Variants in LARS1 observed in about 807,000 individuals in gnomAD.
LARS1 encodes the protein leucine--tRNA ligase, cytoplasmic.
In LARS1, 100 loss-of-function variants were observed where a neutral mutation model predicts 162.8. The ratio of observed to expected loss-of-function variants is 0.61; its 90% CI spans 0.52 to 0.73. The LOEUF (loss-of-function observed/expected upper bound fraction) is 0.73, where lower values mean the gene tolerates loss of function less well. Among genes scored for constraint, LARS1 ranks in the 30% least tolerant of loss-of-function variants. The pLI, the probability that LARS1 is intolerant of heterozygous loss-of-function variation, is 0.00. For synonymous variants in LARS1, 457 were observed against 462.8 expected (o/e 0.99, Z 0.16); for missense variants, 1,258 against 1,408.9 (o/e 0.89, Z 1.71).
At chr5:146,178,214 T>C (rs1754684456) in intron 1 of LARS1, among the ~76,000 whole-genome samples, 1 of 152,192 alleles carries the variant, frequency 6.6e-6, no homozygotes, top group Non-Finnish European at 1.5e-5. Context: ...TATACTACAA[T>C]GTAACACTGT....
At chr5:146,138,186 G>A (rs2962502) in intron 21 of LARS1, 103,191 of 170,792 alleles carry the variant, frequency 0.6, 31,907 homozygotes, top group Middle Eastern at 0.79. Flanking sequence ...GTGGGCAAGA[G>A]ATGTGCTTAT....
At chr5:146,127,491 T>C (rs1367787586) in intron 27 of LARS1, among the ~76,000 whole-genome samples, 1 of 152,046 alleles carries the variant, frequency 6.6e-6, no homozygotes, top group East Asian at 1.9e-4. Context: ...TGTTTTCAAT[T>C]ATCTAGCAAA....
At chr5:146,175,618 T>C (rs1301108698) in intron 2 of LARS1, among the ~76,000 whole-genome samples, 1 of 149,448 alleles carries the variant, frequency 6.7e-6, no homozygotes, top group Non-Finnish European at 1.5e-5. Context: ...GGCAGGCAGA[T>C]CACGAGGTCA....
At position 146,114,148 on chromosome 5, in the gene LARS1, T is replaced by A; in HGVS notation, c.3489A>T (p.Ile1163=). The change falls in exon 32 of 32, where the codon ATA becomes ATT. Residue 1163 remains isoleucine (I), a synonymous_variant. Transcript: ENST00000394434. Reference sequence around the variant, plus strand: ...TTATTGTATCGCCAATATCCACCCTTATCCCATTCTCAGTCAGATGAATTT... The same window carrying A: ...TTATTGTATCGCCAATATCCACCCTAATCCCATTCTCAGTCAGATGAATTT... ...SKKIHLTENG[I]RVDIGDTIIY... The A allele has an allele frequency of 2.5e-6, 4 of 1,613,898 alleles. No individual in the cohort carries two copies. The highest frequency in any genetic ancestry group is 3.4e-6 in the Non-Finnish European group (4 of 1,179,956).
chr5:146,151,841 C>G (rs771784277), intron 14 of LARS1, 21 bp downstream of exon 14: 32 of 1,598,706 alleles, frequency 2.0e-5, no homozygotes, highest in Non-Finnish European at 2.6e-5. Context: ...CAAATAAAAA[C>G]TAAAAAAAAT....
In LARS1 at chr5:146,122,538, C is replaced by A; in HGVS notation, c.3146G>T (p.Arg1049Met). The change falls in exon 30 of 32, where the codon AGG becomes ATG. Residue 1049 changes from arginine to methionine, a missense_variant. Transcript: ENST00000394434. ...KFASEAEDKI[R>M]EDCCPGKPLN... ...TGGTTTCCCAGGACAGCAGTCTTCC[C>A]TGATTTTATCTTCTGCTTCGGAGGC... 6.2e-7 allele frequency: 1 copy of A among 1,609,656 alleles called. No homozygotes were observed.
chr5:146,117,109 T>C (rs1172034975), intron 31 of LARS1, among the ~76,000 whole-genome samples: 3 of 152,070 alleles, frequency 2.0e-5, no homozygotes, highest in Non-Finnish European at 4.4e-5. Flanking sequence ...TTAGATAATA[T>C]TTTTCACAGC....
intron 4 of LARS1, among the ~76,000 whole-genome samples, chr5:146,170,368 G>A (rs1754206195): frequency 6.6e-6 from 1 of 151,982 alleles, no homozygotes; most frequent in African/African-American, 2.4e-5. Context: ...TATTCAGGAG[G>A]CTGAGGCAAG....
At chr5:146,117,228 G>A (rs563116083) in intron 31 of LARS1, among the ~76,000 whole-genome samples, 30 of 152,060 alleles carry the variant, frequency 2.0e-4, no homozygotes, top group Non-Finnish European at 4.1e-4. Flanking sequence ...TGCTATATTT[G>A]AGTACATTTA....
chr5:146,166,945 T>C (rs1387460643), intron 5 of LARS1, among the ~76,000 whole-genome samples: 1 of 152,116 alleles, frequency 6.6e-6, no homozygotes, highest in Non-Finnish European at 1.5e-5. Flanking sequence ...ATAAGACATA[T>C]CAGTATCATA....
chr5:146,159,451 T>C lies in LARS1; in HGVS notation c.727A>G (p.Lys243Glu), dbSNP rs1002452733. 2 of 1,612,142 alleles carry C rather than the reference T, an allele frequency of 1.2e-6. No homozygotes were observed. Among genetic ancestry groups the C allele is most frequent in the African/African-American group, 2.7e-5 (2 of 75,006 alleles). Residue 243 changes from lysine to glutamate, a missense_variant, in exon 8 of 32, where the codon AAA (lysine) becomes GAA (glutamate). Lys to Glu is a moderately conservative substitution (Grantham distance 56). Coordinates refer to ENST00000394434, the MANE Select transcript of LARS1 (RefSeq NM_020117.11). ...TGATCCATGCAAGGCTGTCCATCTT[T>C]CGGAGAGTAAATTGTATACCTAAAA... ...FGKRYTIYSP[K>E]DGQPCMDHDR...
chr5:146,156,806 C>T (rs890518041), intron 10 of LARS1, among the ~76,000 whole-genome samples: 1 of 148,604 alleles, frequency 6.7e-6, no homozygotes, highest in African/African-American at 2.5e-5. Flanking sequence ...GCTACAATTC[C>T]AAATTTAGTA....
At chr5:146,130,243 C>A in intron 24 of LARS1, 85 bp from the exon 25 acceptor site, 1 of 1,329,414 alleles carries the variant, frequency 7.5e-7, no homozygotes. Context: ...TTGGTTTTAA[C>A]ACATTTTTAA....
intron 4 of LARS1, among the ~76,000 whole-genome samples, chr5:146,169,008 T>A (rs1387837080): frequency 1.3e-5 from 2 of 152,002 alleles, no homozygotes; most frequent in East Asian, 3.9e-4. Context: ...GGCACATGTA[T>A]ACACATGTAA....
chr5:146,164,970 C>G (rs1753937871), intron 5 of LARS1, among the ~76,000 whole-genome samples: 1 of 152,134 alleles, frequency 6.6e-6, no homozygotes, highest in Non-Finnish European at 1.5e-5. Context: ...GACAGAATTG[C>G]TCTATATGAT....
chr5:146,116,823 A>AT (rs1461453211), intron 31 of LARS1, among the ~76,000 whole-genome samples: 2 of 152,228 alleles, frequency 1.3e-5, no homozygotes, highest in Admixed American at 6.5e-5. Context: ...GACCCAGATC[A>AT]TAATTACCCT....
chr5:146,139,040 GA>G (rs371218055), intron 21 of LARS1: 10,530 of 203,238 alleles, frequency 0.052, 94 homozygotes, highest in South Asian at 0.097. Flanking sequence ...GTGGATTTGT[GA>G]AAAAAAAAAA....
At chr5:146,124,231 C>T in intron 28 of LARS1, 145 bp from the exon 29 acceptor site, 1 of 545,778 alleles carries the variant, frequency 1.8e-6, no homozygotes, top group Non-Finnish European at 3.3e-6. Context: ...CTCATGATTT[C>T]CTTTACCTAC....
intron 6 of LARS1, among the ~76,000 whole-genome samples, chr5:146,160,899 T>C (rs1753750974): frequency 6.6e-6 from 1 of 152,202 alleles, no homozygotes; most frequent in Non-Finnish European, 1.5e-5. Flanking sequence ...TGTTAGGTTC[T>C]AGTCTAACAA....
Sources: allele counts gnomAD v4.1 joint callset (sites outside exome capture counted in the v4.1 genomes callset), GRCh38; gene constraint gnomAD v4.1.1; transcripts MANE v1.5; gene names NCBI Gene and HGNC (gene_info 2026-07-23, HGNC 2026-07-21).